Variants in TEK observed in about 807,000 individuals in gnomAD.
TEK encodes the protein angiopoietin-1 receptor.
Under a neutral mutation model 131.8 loss-of-function variants are expected in TEK, and 43 were observed. The ratio of observed to expected loss-of-function variants is 0.33; its 90% confidence interval spans 0.26 to 0.42. The LOEUF (loss-of-function observed/expected upper bound fraction) is 0.42, where lower values mean the gene tolerates loss of function less well. TEK is among the 10% of genes least tolerant of loss of function. The pLI, the probability that TEK is intolerant of heterozygous loss-of-function variation, is 1.00. For synonymous variants in TEK, 580 were observed against 491.6 expected (o/e 1.18, Z -2.38); for missense variants, 1,162 against 1,384.4 (o/e 0.84, Z 2.55).
chr9:27,211,827 T>TA (rs1222583599), intron 16 of TEK, among the ~76,000 whole-genome samples: 9 of 147,848 alleles, frequency 6.1e-5, no homozygotes, highest in African/African-American at 1.0e-4. Flanking sequence ...AATTCTTCTT[T>TA]AAAAAAAACC....
chr9:27,179,354 A>T (rs1429390819), intron 6 of TEK, among the ~76,000 whole-genome samples: 1 of 152,178 alleles, frequency 6.6e-6, no homozygotes, highest in Non-Finnish European at 1.5e-5. Flanking sequence ...ATTTGTTATG[A>T]ACATATCTTC....
chr9:27,219,738 T>TATA (rs879903057), intron 20 of TEK, among the ~76,000 whole-genome samples: 59,850 of 130,386 alleles, frequency 0.46, 13,643 homozygotes, highest in Middle Eastern at 0.57. Context: ...AAAAAAAGGT[T>TATA]AATCTTATTG....
intron 12 of TEK, among the ~76,000 whole-genome samples, chr9:27,201,024 G>T (rs1018880519): frequency 6.6e-6 from 1 of 152,284 alleles, no homozygotes; most frequent in Non-Finnish European, 1.5e-5. Flanking sequence ...GCGACCCACT[G>T]CTTCAAAGCA....
chr9:27,139,011 C>A (rs1314869261), intron 1 of TEK, among the ~76,000 whole-genome samples: 1 of 151,816 alleles, frequency 6.6e-6, no homozygotes, highest in African/African-American at 2.4e-5. Context: ...AGATCAAGAC[C>A]ATCCTGGCTA....
chr9:27,202,947 G>C lies in TEK; in HGVS notation c.2037G>C (p.Lys679Asn), dbSNP rs1459986467. Residue 679 changes from lysine (K) to asparagine (N), a missense_variant, in exon 13 of 23, where the codon AAG becomes AAC. By Grantham distance (94) the Lys-to-Asn change is moderately conservative (BLOSUM62 0). Transcript: ENST00000380036. ...CTATCCGTTACAAGGTTCAAGGCAAGAATGAAGACCAGCACGTTGATGTGA... is the reference window on the plus strand; with the variant it reads ...CTATCCGTTACAAGGTTCAAGGCAACAATGAAGACCAGCACGTTGATGTGA... Reference protein sequence around the residue: ...SITIRYKVQGKNEDQHVDVKI... With the variant: ...SITIRYKVQGNNEDQHVDVKI... 1.9e-6 allele frequency: 3 copies of C among 1,613,986 alleles called. No individual in the cohort carries two copies. In the African/African-American group the frequency reaches 4.0e-5, roughly 22 times the overall value.
chr9:27,159,653 A>G (rs1027398714), intron 2 of TEK, among the ~76,000 whole-genome samples: 5 of 152,226 alleles, frequency 3.3e-5, no homozygotes, highest in African/African-American at 1.2e-4. Context: ...CTCCCAAAAT[A>G]AAAGTGGGCC....
chr9:27,228,935 AACTGAGGATACAGT>A (rs1214672065), intron 22 of TEK, among the ~76,000 whole-genome samples: 2 of 152,340 alleles, frequency 1.3e-5, no homozygotes, highest in East Asian at 1.9e-4. Context: ...CAAGCTCAGA[AACTGAGGATACAGT>A]ATGAAATCTT....
rs145791326 is a variant in TEK, at chr9:27,118,892, C to G, written c.52+9250C>G. On this transcript the variant is annotated intron_variant, in intron 1 of 22. Transcript: ENST00000380036. ...AGCCTCTCTTTCTTCATAGAGGACA[C>G]TGTATCCCTGGAGCTACCAACTTCG... 4.6e-5 allele frequency among the ~76,000 whole-genome samples: 7 copies of G among 152,276 alleles called. No individual in the cohort carries two copies. The East Asian group carries it at 1.3e-3, about 29-fold the overall frequency.
chr9:27,155,399 G>C (rs1001298903), intron 1 of TEK, among the ~76,000 whole-genome samples: 3 of 152,190 alleles, frequency 2.0e-5, no homozygotes, highest in Admixed American at 2.0e-4. Context: ...CATTCTAGTG[G>C]AGATTTTCTC....
chr9:27,136,217 G>T (rs572444657), intron 1 of TEK, among the ~76,000 whole-genome samples: 56 of 151,876 alleles, frequency 3.7e-4, no homozygotes, highest in Non-Finnish European at 4.0e-4. Context: ...GAGTAGCTGG[G>T]ACTATAGGTG....
chr9:27,117,999 C>T (rs780573432), intron 1 of TEK, among the ~76,000 whole-genome samples: 46 of 152,246 alleles, frequency 3.0e-4, no homozygotes, highest in African/African-American at 9.9e-4. Context: ...GCTCTGCGGC[C>T]GTCAGATGGT....
intron 1 of TEK, among the ~76,000 whole-genome samples, chr9:27,134,817 T>A (rs1428388602): frequency 6.6e-6 from 1 of 152,208 alleles, no homozygotes; most frequent in Non-Finnish European, 1.5e-5. Context: ...CTTAGCAATG[T>A]GCTCAGAATA....
chr9:27,188,273 G>A (rs1259284563), intron 9 of TEK, among the ~76,000 whole-genome samples: 1 of 152,164 alleles, frequency 6.6e-6, no homozygotes, highest in Non-Finnish European at 1.5e-5. Flanking sequence ...AATCTGAGTG[G>A]TGGTTACATG....
chr9:27,138,204 CAA>C (rs1158979562), intron 1 of TEK, among the ~76,000 whole-genome samples: 1 of 152,182 alleles, frequency 6.6e-6, no homozygotes, highest in Non-Finnish European at 1.5e-5. Context: ...AGCAAAAGAA[CAA>C]AGATTCCACA....
At chr9:27,163,386 G>A (rs558355185) in intron 2 of TEK, among the ~76,000 whole-genome samples, 34 of 152,304 alleles carry the variant, frequency 2.2e-4, no homozygotes, top group Non-Finnish European at 4.3e-4. Context: ...TTAGGGAGTA[G>A]CTATGAGGGC....
intron 1 of TEK, among the ~76,000 whole-genome samples, chr9:27,153,377 G>A (rs149576693): frequency 6.6e-6 from 1 of 152,240 alleles, no homozygotes; most frequent in East Asian, 1.9e-4. Flanking sequence ...TTGAACCCGG[G>A]AGGCGGAAGT....
chr9:27,226,851 C>G (rs1421703592), intron 21 of TEK, among the ~76,000 whole-genome samples: 1 of 152,164 alleles, frequency 6.6e-6, no homozygotes, highest in East Asian at 1.9e-4. Context: ...CAGAACTATC[C>G]GTGGTAGAAG....
At chr9:27,169,395 A>G (rs1175308917) in intron 3 of TEK, 82 bp from the exon 4 acceptor site, 5 of 1,582,590 alleles carry the variant, frequency 3.2e-6, no homozygotes, top group East Asian at 2.2e-5. Flanking sequence ...TGTCAGGGAA[A>G]GCTAATTAAG....
chr9:27,211,463 TAGATAG>T (rs2131225084), intron 16 of TEK, among the ~76,000 whole-genome samples: 1 of 15,782 alleles, frequency 6.3e-5, no homozygotes, highest in East Asian at 3.3e-3. Flanking sequence ...TTGAGATAGA[TAGATAG>T]ATAGATAGGG....
Sources: allele counts gnomAD v4.1 joint callset (sites outside exome capture counted in the v4.1 genomes callset), GRCh38; gene constraint gnomAD v4.1.1; transcripts MANE v1.5; gene names NCBI Gene and HGNC (gene_info 2026-07-23, HGNC 2026-07-21).